Variants in BRF1 observed in about 807,000 individuals in gnomAD.
The protein encoded by BRF1 is BRF1 general transcription factor IIIB subunit.
In BRF1, 59 loss-of-function variants were observed where a neutral mutation model predicts 81.7. The ratio of observed to expected loss-of-function variants is 0.72; its 90% CI spans 0.59 to 0.90. The LOEUF (loss-of-function observed/expected upper bound fraction) is 0.90. BRF1 is among the 40% of genes least tolerant of loss of function. The pLI is 0.00. For missense variants in BRF1, 1,050 were observed against 936.3 expected (o/e 1.12, Z -1.58); for synonymous variants, 491 against 395.6 (o/e 1.24, Z -2.86).
At chr14:105,244,540 G>A (rs1379804166) in intron 5 of BRF1, among the ~76,000 whole-genome samples, 1 of 152,052 alleles carries the variant, frequency 6.6e-6, no homozygotes, top group African/African-American at 2.4e-5. Context: ...GCGGCACGGT[G>A]GGCAAACGCG....
intron 1 of BRF1, among the ~76,000 whole-genome samples, chr14:105,313,547 T>TA (rs1195887856): frequency 1.4e-4 from 21 of 152,214 alleles, no homozygotes; most frequent in Admixed American, 1.3e-3. Context: ...ATACAGGAGT[T>TA]ACAGCTGGAG....
chr14:105,280,445 G>A (rs751721085), intron 2 of BRF1, among the ~76,000 whole-genome samples: 6 of 152,264 alleles, frequency 3.9e-5, no homozygotes, highest in Non-Finnish European at 8.8e-5. Flanking sequence ...CTGTAACAGT[G>A]GTTACCCGTC....
intron 4 of BRF1, 55 bp from the exon 5 acceptor site, chr14:105,252,634 C>G: frequency 1.3e-6 from 2 of 1,564,120 alleles, no homozygotes; most frequent in Non-Finnish European, 1.7e-6. Context: ...GAAATGTTTG[C>G]TTTTTTTCTC....
chr14:105,211,037 C>T, intron 17 of BRF1, 85 bp downstream of exon 17: 2 of 1,533,088 alleles, frequency 1.3e-6, no homozygotes, highest in East Asian at 4.6e-5. Context: ...TTGAAGCTAA[C>T]AGGCCCAAGT....
In BRF1 at chr14:105,294,616, G is replaced by A. The variant is rs192903384; in HGVS notation, c.184+5830C>T. Among the ~76,000 whole-genome samples, 37 of 152,282 alleles carry A rather than the reference G, an allele frequency of 2.4e-4. No individual in the cohort carries two copies. In the East Asian group the frequency reaches 6.9e-3, roughly 29 times the overall value. ...CCCAGGGAGTATGAGCATGGAAGACGATGGGGAGGGAAGAGCAGGAGAGAA... is the reference window on the plus strand; with the variant it reads ...CCCAGGGAGTATGAGCATGGAAGACAATGGGGAGGGAAGAGCAGGAGAGAA... On this transcript the variant is annotated intron_variant, in intron 1 of 17. Transcript: ENST00000547530.
rs1485822811 is a variant in BRF1 at position 105,299,211 on chromosome 14, A to G, written c.184+1235T>C. On this transcript the variant is annotated intron_variant, in intron 1 of 17. Transcript: ENST00000547530. ...CTTCTGCTTTGAAAATCACATATAC[A>G]ACAAAGGGCTTGTAACTACAATCCA... 1.3e-5 allele frequency among the ~76,000 whole-genome samples: 2 copies of G among 152,050 alleles called. 1 individual carries two copies. The highest frequency in any genetic ancestry group is 3.9e-4 in the East Asian group (2 of 5,184).
chr14:105,229,108 G>C (rs1306984176), intron 6 of BRF1, among the ~76,000 whole-genome samples, 195 bp from the exon 7 acceptor site: 1 of 152,214 alleles, frequency 6.6e-6, no homozygotes, highest in Non-Finnish European at 1.5e-5. Context: ...ATTGTGGGTG[G>C]CGGCTGCACC....
At chr14:105,241,667 C>G in intron 5 of BRF1, 1 of 554,884 alleles carries the variant, frequency 1.8e-6, no homozygotes, top group Non-Finnish European at 3.2e-6. Context: ...GCAGCGTGCT[C>G]CTACTGCATG....
chr14:105,211,173 C>T lies in BRF1; in HGVS notation c.1945G>A (p.Glu649Lys), dbSNP rs374437687. Residue 649 changes from glutamate (E) to lysine (K), a missense_variant, in exon 17 of 18, where the codon GAG becomes AAG. Coordinates refer to ENST00000547530, the MANE Select transcript of BRF1 (RefSeq NM_001519.4). ...DEEADEEEPDEEDGEPCVSAL... is the reference protein window; with the variant it reads ...DEEADEEEPDKEDGEPCVSAL... ...CTGACGCAGGGCTCCCCGTCCTCCT[C>T]GTCAGGCTCCTCCTCGTCAGCCTCC... 19 of 1,612,458 alleles carry T rather than the reference C, an allele frequency of 1.2e-5. No individual in the cohort carries two copies. Among genetic ancestry groups the T allele is most frequent in the East Asian group, 2.2e-5 (1 of 44,870 alleles).
rs1889922158 is a variant in BRF1 at position 105,210,339 on chromosome 14, C to T, written c.*212G>A. On this transcript the variant is annotated 3_prime_UTR_variant, in exon 18 of 18. Coordinates refer to ENST00000547530, the MANE Select transcript of BRF1 (RefSeq NM_001519.4). The surrounding 1 kb of genome is among the most constrained non-coding windows in gnomAD (Gnocchi z 4.7). The stretch of plus-strand genomic sequence containing the variant: ...CACACCCGGCCCACATCTGATCACA[C>T]ACATGCAGACGCTTGGTCCGGTTTC... The T allele has an allele frequency of 1.7e-6, 1 of 596,540 alleles. No individual in the cohort carries two copies. The highest frequency in any genetic ancestry group is 1.9e-5 in the African/African-American group (1 of 53,596). The allele number at this position is 596,540 out of a possible 1,614,324, so 37.0% of individuals were successfully genotyped here.
At chr14:105,225,680 C>T (rs960370432) in intron 10 of BRF1, among the ~76,000 whole-genome samples, 1 of 151,848 alleles carries the variant, frequency 6.6e-6, no homozygotes, top group African/African-American at 2.4e-5. Context: ...CGGAGTCTCG[C>T]TCTGTCACCC....
chr14:105,212,305 T>A (rs1890246118), intron 15 of BRF1, 141 bp from the exon 16 acceptor site: 4 of 1,093,228 alleles, frequency 3.7e-6, no homozygotes, highest in Non-Finnish European at 5.2e-6. Flanking sequence ...TGCGTCCAGG[T>A]TCTGTGTGCT....
At chr14:105,256,632 T>C in intron 3 of BRF1, 83 bp from the exon 4 acceptor site, 1 of 1,568,084 alleles carries the variant, frequency 6.4e-7, no homozygotes, top group South Asian at 1.2e-5. Context: ...ACCGCAGGAC[T>C]GCACCTGCAG....
chr14:105,256,217 A>T, intron 4 of BRF1: 1 of 1,536,382 alleles, frequency 6.5e-7, no homozygotes, highest in Non-Finnish European at 8.7e-7. Context: ...ATTGAAAATA[A>T]TCTCCTTTGT....
intron 3 of BRF1, among the ~76,000 whole-genome samples, chr14:105,266,104 T>C (rs906887130): frequency 1.3e-5 from 2 of 151,878 alleles, no homozygotes; most frequent in Non-Finnish European, 2.9e-5. Flanking sequence ...AACCGTGTGA[T>C]GTAACGAAAC....
chr14:105,245,871 C>A (rs925069016), intron 5 of BRF1, among the ~76,000 whole-genome samples: 2 of 152,162 alleles, frequency 1.3e-5, no homozygotes, highest in African/African-American at 4.8e-5. Flanking sequence ...GCAATGATTT[C>A]TTGAACATGA....
intron 11 of BRF1, among the ~76,000 whole-genome samples, chr14:105,221,364 G>A (rs1595280423): frequency 6.6e-6 from 1 of 152,328 alleles, no homozygotes; most frequent in Non-Finnish European, 1.5e-5. Flanking sequence ...CACAACTTGT[G>A]GGCTCCATTC....
At chr14:105,310,435 C>T (rs2058320560) in intron 1 of BRF1, among the ~76,000 whole-genome samples, 1 of 144,802 alleles carries the variant, frequency 6.9e-6, no homozygotes, top group Non-Finnish European at 1.5e-5. Flanking sequence ...GAGGCTGAGG[C>T]AGGAGAATGG....
chr14:105,224,229 C>T (rs1024395533), intron 10 of BRF1, among the ~76,000 whole-genome samples: 15 of 152,102 alleles, frequency 9.9e-5, no homozygotes, highest in African/African-American at 2.7e-4. Context: ...ATTAGCTGGG[C>T]GTGGTGGCGC....
Sources: gnomAD v4.1 joint callset for allele counts (sites outside exome capture counted in the v4.1 genomes callset) on GRCh38, gnomAD v4.1.1 for gene constraint, Gnocchi (gnomAD v3.1) non-coding constraint, MANE v1.5 for transcripts, NCBI Gene and HGNC (gene_info 2026-07-23, HGNC 2026-07-21) for gene names.